The following MEIS2 variants were observed in gnomAD, a reference collection of about 807,000 sequenced individuals.
MEIS2 encodes the protein Meis homeobox 2, also known as homeobox protein Meis2.
Under a neutral mutation model 58.6 loss-of-function variants are expected in MEIS2, and 9 were observed. The observed-to-expected ratio is 0.15, with a 90% CI of 0.09 to 0.27. MEIS2 has a LOEUF of 0.27. Among genes scored for constraint, MEIS2 ranks in the 10% least tolerant of loss-of-function variants. MEIS2 has a pLI of 1.00. For missense variants in MEIS2, 427 were observed against 635.0 expected (o/e 0.67, Z 3.52); for synonymous variants, 221 against 228.4 (o/e 0.97, Z 0.29).
intron 7 of MEIS2, among the ~76,000 whole-genome samples, chr15:37,062,488 G>C (rs1889353274): frequency 6.6e-6 from 1 of 152,206 alleles, no homozygotes. Context: ...CAAAGAGACA[G>C]AAGGAGAGAT....
chr15:36,939,472 A>T (rs927444644), intron 9 of MEIS2, among the ~76,000 whole-genome samples: 5 of 152,018 alleles, frequency 3.3e-5, no homozygotes, highest in Admixed American at 3.3e-4. Context: ...CTTTGGATCC[A>T]TTTTGCTGTC....
At position 36,892,180 on chromosome 15, in the gene MEIS2, G is replaced by A. The variant is rs369601092; in HGVS notation, c.1427C>T (p.Ala476Val). 15 of 1,613,874 alleles carry A rather than the reference G, an allele frequency of 9.3e-6. No individual in the cohort carries two copies. The African/African-American group carries it at 1.6e-4, about 17-fold the overall frequency. The change falls in exon 12 of 12, where the codon GCC becomes GTC. Residue 476 changes from alanine to valine, a missense_variant. Physicochemically the swap from Ala to Val is moderately conservative, Grantham distance 64. Around this residue, in one of 6 missense-constraint regions of MEIS2, gnomAD observed 154 missense variants for 148.1 expected, o/e 1.04. Transcript: ENST00000561208. ...NVGGQVMDIH[A>V]Q ...CCCTTGAGTTCCCTTATACTATTGG[G>A]CATGAATGTCCATAACCTGTCCGCC...
At chr15:36,911,034 G>A (rs1179705462) in intron 9 of MEIS2, among the ~76,000 whole-genome samples, 11 of 129,914 alleles carry the variant, frequency 8.5e-5, no homozygotes, top group African/African-American at 2.9e-5. Flanking sequence ...GACAGAGCGC[G>A]ACTCTGTCTC....
chr15:36,929,125 C>T (rs772111631), intron 9 of MEIS2, among the ~76,000 whole-genome samples: 4 of 152,174 alleles, frequency 2.6e-5, no homozygotes, highest in Non-Finnish European at 4.4e-5. Context: ...GTCTCTCTAG[C>T]GCTTAGCATT....
intron 8 of MEIS2, among the ~76,000 whole-genome samples, chr15:36,958,559 C>T (rs960959112): frequency 3.9e-5 from 6 of 152,138 alleles, no homozygotes; most frequent in African/African-American, 1.4e-4. Context: ...TACCTCTAAA[C>T]TTCCAAAAAG....
chr15:36,901,024 C>T (rs2056443883), intron 9 of MEIS2: 3 of 152,248 alleles, frequency 2.0e-5, no homozygotes, highest in Admixed American at 2.0e-4. Context: ...TCCCTGAACA[C>T]TCTGAGGAGG....
Position 37,099,441 on chromosome 15 carries a change from A to G in MEIS2, c.12+14T>C. ...GGATTTATATCTAGGTAAGTGTTGGAGATTTAAACCTACCCTTTGCGCCAT... is the reference window on the plus strand; with the variant it reads ...GGATTTATATCTAGGTAAGTGTTGGGGATTTAAACCTACCCTTTGCGCCAT... On this transcript the variant is annotated intron_variant, in intron 1 of 11. Transcript: ENST00000561208. 1 of 1,614,118 alleles carries G rather than the reference A, an allele frequency of 6.2e-7. No individual in the cohort carries two copies. Among genetic ancestry groups the G allele is most frequent in the Non-Finnish European group, 8.5e-7 (1 of 1,180,018 alleles).
chr15:36,980,272 G>C (rs1461592855), intron 8 of MEIS2, among the ~76,000 whole-genome samples: 1 of 152,030 alleles, frequency 6.6e-6, no homozygotes, highest in African/African-American at 2.4e-5. Flanking sequence ...ATATATCTGT[G>C]TTTTTCATCC....
At chr15:36,905,167 C>T (rs541212623) in intron 9 of MEIS2, among the ~76,000 whole-genome samples, 9 of 151,878 alleles carry the variant, frequency 5.9e-5, no homozygotes, top group South Asian at 2.1e-4. Flanking sequence ...GATAAGGACA[C>T]GCACAGACAC....
chr15:36,892,535 G>GAAAAAAAAA (rs1271676407), intron 11 of MEIS2, 76 bp from the exon 12 acceptor site: 61 of 513,644 alleles, frequency 1.2e-4, no homozygotes, highest in South Asian at 3.1e-4. Flanking sequence ...AAGATGAAAA[G>GAAAAAAAAA]AAAAAAAAAA....
In MEIS2 at chr15:37,063,559, A is replaced by G. The variant is rs553157620; in HGVS notation, c.754+20212T>C. Among the ~76,000 whole-genome samples, 16 of 152,334 alleles carry G rather than the reference A, an allele frequency of 1.1e-4. No homozygotes were observed. The South Asian group carries it at 3.3e-3, about 32-fold the overall frequency. ...TAAATTATACTAAACGTACAGCACAATGTTGGGCATAGAGTAGCTGTCAAG... is the reference window on the plus strand; with the variant it reads ...TAAATTATACTAAACGTACAGCACAGTGTTGGGCATAGAGTAGCTGTCAAG... On this transcript the variant is annotated intron_variant, in intron 7 of 11. Transcript: ENST00000561208.
At chr15:37,055,349 G>C (rs925756466) in intron 7 of MEIS2, among the ~76,000 whole-genome samples, 1 of 152,076 alleles carries the variant, frequency 6.6e-6, no homozygotes, top group African/African-American at 2.4e-5. Flanking sequence ...ACAGTGCCTG[G>C]CACATCATAG....
intron 8 of MEIS2, among the ~76,000 whole-genome samples, chr15:36,966,116 G>T (rs762524316): frequency 6.6e-6 from 1 of 152,148 alleles, no homozygotes; most frequent in East Asian, 1.9e-4. Context: ...AATTTGGCCA[G>T]GACGCTGGGG....
chr15:37,003,831 C>G (rs1023438095), intron 8 of MEIS2, among the ~76,000 whole-genome samples: 1 of 152,112 alleles, frequency 6.6e-6, no homozygotes, highest in Non-Finnish European at 1.5e-5. Flanking sequence ...ATAAAAGAGA[C>G]CCTGGAGAGC....
At chr15:36,920,252 C>T (rs1297526087) in intron 9 of MEIS2, among the ~76,000 whole-genome samples, 5 of 152,242 alleles carry the variant, frequency 3.3e-5, no homozygotes, top group East Asian at 3.9e-4. Flanking sequence ...CGGGTTCAAG[C>T]GATTCTCCTG....
chr15:36,947,651 C>T (rs954498080), intron 9 of MEIS2, among the ~76,000 whole-genome samples: 5 of 151,948 alleles, frequency 3.3e-5, no homozygotes, highest in African/African-American at 7.2e-5. Flanking sequence ...TCTTGCAGCA[C>T]ACAAGCCTAA....
At chr15:36,935,669 GA>G (rs1298687190) in intron 9 of MEIS2, among the ~76,000 whole-genome samples, 28 of 152,018 alleles carry the variant, frequency 1.8e-4, no homozygotes, top group Non-Finnish European at 1.6e-4. Context: ...CAATTGAAAT[GA>G]AAAAACTTTG....
rs1229581454 is a variant in MEIS2, at chr15:37,094,510, C to T, written c.489+17G>A. 3 of 1,611,000 alleles carry T rather than the reference C, an allele frequency of 1.9e-6. No homozygotes were observed. Among genetic ancestry groups the T allele is most frequent in the Non-Finnish European group, 2.5e-6 (3 of 1,178,120 alleles). ...GAAATGGTTTAATCAACACGGGGAG[C>T]GTTATTTCCTGCTTACCTTTTCTAA... On this transcript the variant is annotated intron_variant, in intron 5 of 11. Transcript: ENST00000561208.
At position 37,042,272 on chromosome 15, in the gene MEIS2, T is replaced by A. The variant is rs181436086; in HGVS notation, c.755-5313A>T. ...AAGCACATGATTTGGAATGAAAAAA[T>A]GATAAAAGCAGTGATGATGTGCTAT... is the stretch of plus-strand genomic sequence containing the variant. On this transcript the variant is annotated intron_variant, in intron 7 of 11. Transcript: ENST00000561208. 2.6e-3 allele frequency among the ~76,000 whole-genome samples: 391 copies of A among 152,256 alleles called. 1 individual carries two copies. The highest frequency in any genetic ancestry group is 9.1e-3 in the African/African-American group (380 of 41,540).
Sources: allele counts gnomAD v4.1 joint callset (sites outside exome capture counted in the v4.1 genomes callset), GRCh38; gene constraint gnomAD v4.1.1; regional missense constraint gnomAD v4.1.1; transcripts MANE v1.5; gene names NCBI Gene and HGNC (gene_info 2026-07-23, HGNC 2026-07-21).